The following CCDC187 variants were observed in gnomAD, a reference collection of about 807,000 sequenced individuals.
CCDC187 encodes coiled-coil domain containing 187, also known as coiled-coil domain-containing protein 187.
CCDC187 carries 32 observed loss-of-function variants against 38.0 expected under a neutral mutation model. The ratio of observed to expected loss-of-function variants is 0.84; its 90% CI spans 0.64 to 1.13. CCDC187 has a LOEUF of 1.13. Among genes scored for constraint, CCDC187 ranks in the 50% most tolerant of loss-of-function variants. The pLI is 0.00. For missense variants in CCDC187, 707 were observed against 786.8 expected, an observed-to-expected ratio of 0.90 and a Z score of 1.21; for synonymous variants, 333 against 347.9, an observed-to-expected ratio of 0.96 and a Z score of 0.48.
chr9:136,302,132 C>G (rs1831701341), intron 2 of CCDC187, among the ~76,000 whole-genome samples: 1 of 152,082 alleles, frequency 6.6e-6, no homozygotes, highest in South Asian at 2.1e-4. Context: ...ATCGCTTGAA[C>G]CCGCAATGAG....
rs958672692 is a variant in CCDC187 at position 136,299,257 on chromosome 9, G to A, written c.724+963C>T. 1.5e-4 allele frequency among the ~76,000 whole-genome samples: 23 copies of A among 152,212 alleles called. 1 individual carries two copies. The South Asian group carries it at 1.7e-3, about 11-fold the overall frequency. ...CTCCGAGGGGCCAGCCCTGGACCCC[G>A]CCCACATCTGCACTGGCTCACACTC... is the stretch of plus-strand genomic sequence containing the variant. On this transcript the variant is annotated intron_variant, in intron 3 of 25. Coordinates refer to ENST00000638797, the MANE Select transcript of CCDC187 (RefSeq NM_001378188.1).
intron 4 of CCDC187, among the ~76,000 whole-genome samples, chr9:136,294,037 CAT>C (rs1382590382): frequency 8.6e-5 from 13 of 151,356 alleles, no homozygotes; most frequent in South Asian, 2.1e-4. Flanking sequence ...CACACACACT[CAT>C]ATACACACGC....
chr9:136,289,211 A>G (rs1031343014), intron 7 of CCDC187, among the ~76,000 whole-genome samples: 1 of 152,190 alleles, frequency 6.6e-6, no homozygotes, highest in Admixed American at 6.5e-5. Context: ...CCATTTAGAT[A>G]AAATGTCAAG....
At chr9:136,302,694 G>A in intron 2 of CCDC187, 118 bp downstream of exon 2, 5 of 397,814 alleles carry the variant, frequency 1.3e-5, no homozygotes, top group South Asian at 1.4e-4. Flanking sequence ...CTGGGGGCAC[G>A]CTGCATACAC....
At chr9:136,305,074 G>A (rs1304092931), upstream of CCDC187, among the ~76,000 whole-genome samples, 1 of 152,198 alleles carries the variant, frequency 6.6e-6, no homozygotes, top group Non-Finnish European at 1.5e-5. Context: ...GCACAGCCAC[G>A]GGCATCCAGG....
Position 136,257,943 on chromosome 9 carries a change from C to G in CCDC187, c.4366+989G>C, listed in dbSNP as rs1830633776. On this transcript the variant is annotated intron_variant, in intron 22 of 25. Transcript: ENST00000638797. This position sits in a 1 kb window ranked among gnomAD's most constrained non-coding sequence, Gnocchi z 4.5. ...ATAAGTCAGGCCTCAGGCTCCTCCT[C>G]TGCTGCGTGGGCATAACGAGTGAAT... is the stretch of plus-strand genomic sequence containing the variant. 6.6e-6 allele frequency among the ~76,000 whole-genome samples: 1 copy of G among 152,236 alleles called. No homozygotes were observed. Among genetic ancestry groups the G allele is most frequent in the Non-Finnish European group, 1.5e-5 (1 of 68,038 alleles).
chr9:136,293,810 A>G (rs1389328953), intron 4 of CCDC187, among the ~76,000 whole-genome samples: 6 of 151,918 alleles, frequency 3.9e-5, no homozygotes, highest in Non-Finnish European at 7.4e-5. Flanking sequence ...ACACAGACAC[A>G]CATGCTCTCA....
Position 136,263,612 on chromosome 9 carries a change from G to A in CCDC187, c.3912+10C>T. On this transcript the variant is annotated intron_variant, in intron 18 of 25. Transcript: ENST00000638797. ...TGCAGCTGAGTCCCAGCCCAGGCGA[G>A]AGCACCCACCTGCTGCAGCTTGGCC... 12 of 985,472 alleles carry A rather than the reference G, an allele frequency of 1.2e-5. No individual in the cohort carries two copies. Among genetic ancestry groups the A allele is most frequent in the Non-Finnish European group, 1.4e-5 (12 of 829,942 alleles). The allele number at this position is 985,472 out of a possible 1,614,324, so 61.0% of individuals were successfully genotyped here. A position where few individuals can be genotyped will look rare whatever the true frequency, so the allele number is the denominator to read the frequency against.
chr9:136,300,043 A>G lies in CCDC187; in HGVS notation c.724+177T>C, dbSNP rs1009263499. On this transcript the variant is annotated intron_variant, in intron 3 of 25. Transcript: ENST00000638797. ...CCCACTGGAGAGGCAGAGGGTTAGA[A>G]CACAGGCTCCAGAGAATGGCAGTCT... Among the ~76,000 whole-genome samples the G allele has an allele frequency of 2.6e-5, 4 of 152,364 alleles. No homozygotes were observed. In the East Asian group the frequency reaches 7.7e-4, roughly 29 times the overall value.
intron 4 of CCDC187, among the ~76,000 whole-genome samples, chr9:136,293,996 ACT>A (rs1435797433): frequency 6.9e-6 from 1 of 144,706 alleles, no homozygotes; most frequent in African/African-American, 2.6e-5. Context: ...ACACACTCAC[ACT>A]CATATACACA....
chr9:136,272,975 T>A (rs923506492), intron 14 of CCDC187, among the ~76,000 whole-genome samples: 3 of 152,238 alleles, frequency 2.0e-5, no homozygotes, highest in African/African-American at 7.2e-5. Context: ...TGGTCAACTG[T>A]ATATACTATT....
intron 19 of CCDC187, among the ~76,000 whole-genome samples, chr9:136,262,011 T>C (rs1470001412): frequency 1.3e-5 from 2 of 152,200 alleles, no homozygotes; most frequent in Non-Finnish European, 2.9e-5. Flanking sequence ...ACCCTGGTCA[T>C]CACTCCCCCT....
chr9:136,297,157 G>T (rs1368199487), intron 4 of CCDC187, among the ~76,000 whole-genome samples: 4 of 152,138 alleles, frequency 2.6e-5, no homozygotes, highest in Non-Finnish European at 5.9e-5. Flanking sequence ...GGCGTGAGCT[G>T]CAGGTGGCGT....
chr9:136,290,919 G>A lies in CCDC187; in HGVS notation c.1694C>T (p.Pro565Leu). 2.5e-6 allele frequency: 1 copy of A among 398,642 alleles called. No homozygotes were observed. 24.7% of individuals were successfully genotyped at this position (398,642 alleles called of 1,614,324 possible). Residue 565 changes from proline to leucine, a missense_variant, in exon 6 of 26, where the codon CCC (proline) becomes CTC (leucine). Pro to Leu is a moderately conservative substitution (Grantham distance 98). Coordinates refer to ENST00000638797, the MANE Select transcript of CCDC187 (RefSeq NM_001378188.1). Reference protein sequence around the residue: ...GPRLRNPLERPSPPAQRPWSS... With the variant: ...GPRLRNPLERLSPPAQRPWSS... Reference sequence around the variant, plus strand: ...CCAGGGCCGCTGGGCTGGAGGACTGGGCCTTTCCAGAGGGTTCCGCAGTCT... The same window carrying A: ...CCAGGGCCGCTGGGCTGGAGGACTGAGCCTTTCCAGAGGGTTCCGCAGTCT...
chr9:136,261,986 G>T (rs2131140818), intron 19 of CCDC187, among the ~76,000 whole-genome samples: 1 of 152,352 alleles, frequency 6.6e-6, no homozygotes, highest in Non-Finnish European at 1.5e-5. Context: ...CAGCGGCCAG[G>T]CTCTCGGGCA....
chr9:136,291,498 A>G lies in CCDC187; in HGVS notation c.1115T>C (p.Met372Thr), dbSNP rs1831329359. ...CTGGCGCAGGTCTTGTAGGATGGCC[A>G]TGGCCGTCTGTATGGTCGCTGGCTG... is the stretch of plus-strand genomic sequence containing the variant. ...FDQPATIQTA[M>T]AILQDLRQQI... Residue 372 changes from methionine (M) to threonine (T), a missense_variant, in exon 6 of 26, where the codon ATG becomes ACG. Met to Thr is a moderately conservative substitution (Grantham distance 81, BLOSUM62 -1). Coordinates refer to ENST00000638797, the MANE Select transcript of CCDC187 (RefSeq NM_001378188.1). 5.0e-6 allele frequency: 2 copies of G among 398,514 alleles called. No homozygotes were observed. Among genetic ancestry groups the G allele is most frequent in the African/African-American group, 4.1e-5 (2 of 48,596 alleles). 24.7% of individuals were successfully genotyped at this position (398,514 alleles called of 1,614,324 possible). A position where few individuals can be genotyped will look rare whatever the true frequency, so the allele number is the denominator to read the frequency against.
intron 7 of CCDC187, among the ~76,000 whole-genome samples, chr9:136,289,245 C>T (rs1027271648): frequency 7.2e-5 from 11 of 151,970 alleles, no homozygotes; most frequent in South Asian, 2.1e-4. Context: ...GGGCGGGGCG[C>T]GGTGACTCAC....
rs1442779083 is a variant in CCDC187, at chr9:136,256,248, ACTC to A, written c.4576_4578del (p.Glu1526del). 2 of 984,828 alleles carry A rather than the reference ACTC, an allele frequency of 2.0e-6. No homozygotes were observed. Among genetic ancestry groups the A allele is most frequent in the African/African-American group, 3.5e-5 (2 of 56,988 alleles). 61.0% of individuals were successfully genotyped at this position (984,828 alleles called of 1,614,324 possible). On this transcript the variant is annotated inframe_deletion, in exon 24 of 26. Coordinates refer to ENST00000638797, the MANE Select transcript of CCDC187 (RefSeq NM_001378188.1). ...GATCGCCAGCTCTCGGTTTCCTGGG[ACTC>A]CTCCACGGGGCTCTCAGCAAAATCC... is the stretch of plus-strand genomic sequence containing the variant.
intron 7 of CCDC187, among the ~76,000 whole-genome samples, chr9:136,289,388 A>C (rs1831256083): frequency 6.6e-6 from 1 of 151,926 alleles, no homozygotes; most frequent in South Asian, 2.1e-4. Flanking sequence ...GCGTTGTGGC[A>C]GGTGCCTATA....
Sources: gnomAD v4.1 joint callset for allele counts (sites outside exome capture counted in the v4.1 genomes callset) on GRCh38, gnomAD v4.1.1 for gene constraint, Gnocchi (gnomAD v3.1) non-coding constraint, MANE v1.5 for transcripts, NCBI Gene and HGNC (gene_info 2026-07-23, HGNC 2026-07-21) for gene names.